The following ADGRA2 variants were observed in gnomAD, a reference collection of about 807,000 sequenced individuals.
ADGRA2 encodes the protein adhesion G protein-coupled receptor A2, also known as G-protein coupled receptor 124.
ADGRA2 carries 61 observed loss-of-function variants against 98.7 expected under a neutral mutation model. The observed-to-expected ratio is 0.62, with a 90% CI of 0.50 to 0.76. The LOEUF is 0.76. Among genes scored for constraint, ADGRA2 ranks in the 30% least tolerant of loss-of-function variants. The pLI, the probability that ADGRA2 is intolerant of heterozygous loss-of-function variation, is 0.00. For missense variants in ADGRA2, 1,712 were observed against 1,860.0 expected (o/e 0.92, Z 1.46); for synonymous variants, 858 against 831.5 (o/e 1.03, Z -0.55).
rs754836762 is a variant in ADGRA2 at position 37,836,023 on chromosome 8, A to C, written c.2050+253A>C. Among the ~76,000 whole-genome samples, 97 of 144,398 alleles carry C rather than the reference A, an allele frequency of 6.7e-4. 3 individuals are homozygous for C. Among genetic ancestry groups the C allele is most frequent in the Non-Finnish European group, 1.9e-4 (13 of 66,714 alleles). 94.7% of individuals were successfully genotyped at this position (144,398 alleles called of 152,430 possible). ...TTTGTTCAATTTCAAGAGGGCTATG[A>C]GCATAGCCCCCTCCAACACACACAC... On this transcript the variant is annotated intron_variant, in intron 13 of 18. Transcript: ENST00000412232.
intron 2 of ADGRA2, among the ~76,000 whole-genome samples, chr8:37,820,762 G>C (rs530944059): frequency 6.6e-6 from 1 of 151,608 alleles, no homozygotes; most frequent in Non-Finnish European, 1.5e-5. Context: ...CTGTGTGTAC[G>C]TGAGGGGGTC....
At position 37,802,251 on chromosome 8, in the gene ADGRA2, G is replaced by C. The variant is rs1804530351; in HGVS notation, c.266+4717G>C. Among the ~76,000 whole-genome samples the C allele has an allele frequency of 6.6e-6, 1 of 152,216 alleles. No individual in the cohort carries two copies. The highest frequency in any genetic ancestry group is 2.1e-4 in the South Asian group (1 of 4,836). On this transcript the variant is annotated intron_variant, in intron 1 of 18. Transcript: ENST00000412232. This position sits in a 1 kb window ranked among gnomAD's most constrained non-coding sequence, Gnocchi z 4.7. ...ATCCAGTTAGGGGAATTTGGGCAAAGTGTGCCAAGCGTCGTGCACATGGCC... is the reference window on the plus strand; with the variant it reads ...ATCCAGTTAGGGGAATTTGGGCAAACTGTGCCAAGCGTCGTGCACATGGCC...
intron 4 of ADGRA2, 30 bp from the exon 5 acceptor site, chr8:37,829,458 C>T: frequency 6.3e-7 from 1 of 1,587,008 alleles, no homozygotes; most frequent in Non-Finnish European, 8.7e-7. Flanking sequence ...ACCCTAAGAC[C>T]CCATCTCAGT....
intron 15 of ADGRA2, 113 bp downstream of exon 15, chr8:37,839,196 G>A: frequency 7.0e-7 from 1 of 1,421,576 alleles, no homozygotes; most frequent in East Asian, 2.3e-5. Context: ...GCTTTGCAAT[G>A]GGGGAGGGAC....
intron 13 of ADGRA2, 142 bp from the exon 14 acceptor site, chr8:37,837,589 G>T: frequency 1.4e-6 from 1 of 701,812 alleles, no homozygotes; most frequent in Non-Finnish European, 2.4e-6. Context: ...GCATCTCACC[G>T]CATGCCCCCA....
Position 37,844,638 on chromosome 8 carries a change from G to A in ADGRA2, c.*2283G>A, listed in dbSNP as rs774160634. 5 of 1,614,150 alleles carry A rather than the reference G, an allele frequency of 3.1e-6. No individual in the cohort carries two copies. The East Asian group carries it at 8.9e-5, about 29-fold the overall frequency. On this transcript the variant is annotated 3_prime_UTR_variant, in exon 19 of 19. Transcript: ENST00000412232. ...AGTGACAGTGGAGACAGGGGGTACA[G>A]GGCAGATCCGCTTCGGGGACTTCAA...
At chr8:37,839,396 C>G in intron 15 of ADGRA2, 103 bp from the exon 16 acceptor site, 1 of 1,529,698 alleles carries the variant, frequency 6.5e-7, no homozygotes, top group South Asian at 1.3e-5. Context: ...CATTCACACA[C>G]GCAGATATGT....
Position 37,830,159 on chromosome 8 carries a change from T to C in ADGRA2, c.718+145T>C. 1.8e-6 allele frequency: 1 copy of C among 544,638 alleles called. No individual in the cohort carries two copies. The highest frequency in any genetic ancestry group is 1.9e-5 in the African/African-American group (1 of 52,426). 33.7% of individuals were successfully genotyped at this position (544,638 alleles called of 1,614,324 possible). A position where few individuals can be genotyped will look rare whatever the true frequency, so the allele number is the denominator to read the frequency against. On this transcript the variant is annotated intron_variant, in intron 6 of 18. Coordinates refer to ENST00000412232, the MANE Select transcript of ADGRA2 (RefSeq NM_032777.10). The surrounding 1 kb of genome is among the most constrained non-coding windows in gnomAD (Gnocchi z 4.8). The stretch of plus-strand genomic sequence containing the variant: ...AAGACCACGACACTGAGTCCTGCTC[T>C]TGCATTTAGGGAGACCTTATCTTTA...
At chr8:37,798,615 C>T (rs1325433906) in intron 1 of ADGRA2, among the ~76,000 whole-genome samples, 1 of 152,260 alleles carries the variant, frequency 6.6e-6, no homozygotes, top group East Asian at 1.9e-4. Flanking sequence ...AGCCTAAGAG[C>T]CGCTTCCCTT....
chr8:37,840,485 C>T (rs546436579), intron 17 of ADGRA2, among the ~76,000 whole-genome samples: 9 of 152,152 alleles, frequency 5.9e-5, no homozygotes, highest in Admixed American at 1.3e-4. Context: ...AAGGAGATGA[C>T]TCCAAATGCC....
At chr8:37,804,102 C>CAG (rs1804583749) in intron 1 of ADGRA2, among the ~76,000 whole-genome samples, 1 of 78,506 alleles carries the variant, frequency 1.3e-5, no homozygotes. Context: ...CACGGTGAGA[C>CAG]ACACACACAC....
chr8:37,835,843 T>G, intron 13 of ADGRA2, 73 bp downstream of exon 13: 3 of 935,330 alleles, frequency 3.2e-6, no homozygotes, highest in Non-Finnish European at 5.1e-6. Flanking sequence ...TATCCTGCCC[T>G]TCCCTGGCCC....
At position 37,834,273 on chromosome 8, in the gene ADGRA2, G is replaced by T; in HGVS notation, c.1608+145G>T. ...CATGGGGTTCACTTCCAAGTTGTCA[G>T]GGGCAGTGCTAAGGAGAGGTGGCCG... On this transcript the variant is annotated intron_variant, in intron 11 of 18. Transcript: ENST00000412232. The surrounding 1 kb of genome is among the most constrained non-coding windows in gnomAD (Gnocchi z 4.2). 1.2e-6 allele frequency: 1 copy of T among 804,174 alleles called. No homozygotes were observed. Among genetic ancestry groups the T allele is most frequent in the East Asian group, 2.7e-5 (1 of 37,190 alleles). The allele number at this position is 804,174 out of a possible 1,614,324, so 49.8% of individuals were successfully genotyped here. A position where few individuals can be genotyped will look rare whatever the true frequency, so the allele number is the denominator to read the frequency against.
rs1442229026 is a variant in ADGRA2, at chr8:37,834,991, C to A, written c.1609-183C>A. On this transcript the variant is annotated intron_variant, in intron 11 of 18. Coordinates refer to ENST00000412232, the MANE Select transcript of ADGRA2 (RefSeq NM_032777.10). This position sits in a 1 kb window ranked among gnomAD's most constrained non-coding sequence, Gnocchi z 4.2. ...AGTGAGCTGGTTGTGATGCTGCACTCCAGCCTGGGTGACATAGCAAGAATC... is the reference window on the plus strand; with the variant it reads ...AGTGAGCTGGTTGTGATGCTGCACTACAGCCTGGGTGACATAGCAAGAATC... 6.6e-6 allele frequency among the ~76,000 whole-genome samples: 1 copy of A among 151,750 alleles called. No individual in the cohort carries two copies. Among genetic ancestry groups the A allele is most frequent in the Non-Finnish European group, 1.5e-5 (1 of 67,954 alleles).
chr8:37,842,323 A>C lies in ADGRA2; in HGVS notation c.3985A>C (p.Thr1329Pro), dbSNP rs1265643744. ...AEVASGGCMK[T>P]GLWKSETTV ...GGTAGCCAGCGGCGGCTGCATGAAG[A>C]CCGGACTCTGGAAGAGCGAAACTAC... is the stretch of plus-strand genomic sequence containing the variant. The change falls in exon 19 of 19, where the codon ACC becomes CCC. Residue 1329 changes from threonine to proline, a missense_variant. Transcript: ENST00000412232. 1.3e-6 allele frequency: 2 copies of C among 1,527,002 alleles called. No homozygotes were observed. Among genetic ancestry groups the C allele is most frequent in the Non-Finnish European group, 1.8e-6 (2 of 1,141,756 alleles). 94.6% of individuals were successfully genotyped at this position (1,527,002 alleles called of 1,614,324 possible). A position where few individuals can be genotyped will look rare whatever the true frequency, so the allele number is the denominator to read the frequency against.
intron 2 of ADGRA2, 50 bp from the exon 3 acceptor site, chr8:37,828,838 G>A (rs933762841): frequency 6.8e-7 from 1 of 1,466,896 alleles, no homozygotes; most frequent in South Asian, 1.2e-5. Context: ...CGGGGAGCAG[G>A]GCGGCTCCAG....
At chr8:37,823,867 C>T (rs977927281) in intron 2 of ADGRA2, among the ~76,000 whole-genome samples, 6 of 152,136 alleles carry the variant, frequency 3.9e-5, no homozygotes, top group Non-Finnish European at 8.8e-5. Context: ...AATGTCTATT[C>T]AGATCCTTTG....
At chr8:37,825,468 C>T (rs557645866) in intron 2 of ADGRA2, among the ~76,000 whole-genome samples, 2 of 150,596 alleles carry the variant, frequency 1.3e-5, no homozygotes, top group Admixed American at 6.6e-5. Context: ...AGGCTGGTCT[C>T]GAACTCCTGA....
At chr8:37,820,172 GCAT>G (rs1805091282) in intron 2 of ADGRA2, among the ~76,000 whole-genome samples, 1 of 152,174 alleles carries the variant, frequency 6.6e-6, no homozygotes, top group South Asian at 2.1e-4. Context: ...TCATACAGGA[GCAT>G]CTCCTTCACA....
Sources: allele counts gnomAD v4.1 joint callset (sites outside exome capture counted in the v4.1 genomes callset), GRCh38; gene constraint gnomAD v4.1.1; non-coding constraint Gnocchi (gnomAD v3.1); transcripts MANE v1.5; gene names NCBI Gene and HGNC (gene_info 2026-07-23, HGNC 2026-07-21).